Variants in MYH16 observed in about 807,000 individuals in gnomAD.
MYH16 encodes myosin heavy chain 16.
At chr7:99,269,566 C>A (rs1265008250) in intron 18 of MYH16, among the ~76,000 whole-genome samples, 4 of 152,110 alleles carry the variant, frequency 2.6e-5, no homozygotes, top group Non-Finnish European at 5.9e-5. Flanking sequence ...ATAAGCCACA[C>A]CACCTGGCTT....
intron 28 of MYH16, 146 bp from the exon 10 acceptor site, chr7:99,287,746 C>A (rs961123925): frequency 5.5e-6 from 2 of 360,998 alleles, no homozygotes; most frequent in South Asian, 2.0e-5. Flanking sequence ...ACCCCCACCC[C>A]CCAAAGGCTA....
intron 10 of MYH16, among the ~76,000 whole-genome samples, chr7:99,257,929 A>G (rs7808109): frequency 0.81 from 123,975 of 152,184 alleles, 51,308 homozygotes; most frequent in Non-Finnish European, 0.9. Context: ...TCGCAGGCAT[A>G]AGCCACTGTG....
rs936962290 is a variant in MYH16, at chr7:99,297,439, AAATT to A, written n.4500-204_4500-201del. ...CAGAGCAACACTATGTCCCAAAAAT[AAATT>A]AATTAATTAATTAATTTAATTTAAT... On this transcript the variant is annotated intron_variant and non_coding_transcript_variant, in intron 34 of 41. Transcript: ENST00000439784. Among the ~76,000 whole-genome samples, 55 of 152,240 alleles carry A rather than the reference AAATT, an allele frequency of 3.6e-4. No individual in the cohort carries two copies. The East Asian group carries it at 3.7e-3, about 10-fold the overall frequency.
chr7:99,276,605 C>T (rs545403783), intron 20 of MYH16, among the ~76,000 whole-genome samples: 8 of 152,198 alleles, frequency 5.3e-5, no homozygotes, highest in Non-Finnish European at 8.8e-5. Context: ...CAAATGCTCC[C>T]GGCTGAATGG....
At chr7:99,302,311 AAT>A (rs1554340309) in intron 38 of MYH16, among the ~76,000 whole-genome samples, 2,685 of 109,494 alleles carry the variant, frequency 0.025, 82 homozygotes, top group South Asian at 0.043. Flanking sequence ...AAAAAAAAAA[AAT>A]ATATACACAC....
chr7:99,284,095 AG>A, intron 25 of MYH16, 77 bp downstream of exon 7: 4 of 390,684 alleles, frequency 1.0e-5, no homozygotes, highest in South Asian at 7.6e-5. Context: ...GCCAGGAGCC[AG>A]GCACTGTATG....
rs143273789 is a variant in MYH16, at chr7:99,306,476, G to A, written n.5636-133G>A. The A allele has an allele frequency of 6.0e-3, 913 of 152,180 alleles. 5 individuals carry two copies. The highest frequency in any genetic ancestry group is 8.8e-3 in the Non-Finnish European group (597 of 67,998). The allele number at this position is 152,180 out of a possible 1,614,324, so 9.4% of individuals were successfully genotyped here. A position where few individuals can be genotyped will look rare whatever the true frequency, so the allele number is the denominator to read the frequency against. ...TAGGAGGTGGAGGTTGCAGCGAGCCGAGATCAGACCACTGCACTCCAGCCT... is the reference window on the plus strand; with the variant it reads ...TAGGAGGTGGAGGTTGCAGCGAGCCAAGATCAGACCACTGCACTCCAGCCT... On this transcript the variant is annotated intron_variant and non_coding_transcript_variant, in intron 41 of 41. Transcript: ENST00000439784.
At position 99,287,483 on chromosome 7, in the gene MYH16, G is replaced by A. The variant is rs562385064; in HGVS notation, n.3461-409G>A. ...CAGGAGGCGGAGGTTGCAGTGAGCC[G>A]AGATGTGCCATTGCACTGCAGCCTG... On this transcript the variant is annotated intron_variant and non_coding_transcript_variant, in intron 28 of 41. Coordinates refer to ENST00000439784, the Ensembl canonical transcript of MYH16. Among the ~76,000 whole-genome samples the A allele has an allele frequency of 1.3e-4, 19 of 146,774 alleles. No individual in the cohort carries two copies. In the East Asian group the frequency reaches 3.4e-3, roughly 27 times the overall value.
rs967723377 is a variant in MYH16, at chr7:99,260,150, T to A, written n.1405-14T>A. 2.4e-5 allele frequency: 39 copies of A among 1,595,554 alleles called. No individual in the cohort carries two copies. The East Asian group carries it at 8.6e-4, about 35-fold the overall frequency. Reference sequence around the variant, plus strand: ...TGTGCTGACGCCCCTCTTTCTGCCCTCCTGCCGCCACAGTTCAACAGCTTT... The same window carrying A: ...TGTGCTGACGCCCCTCTTTCTGCCCACCTGCCGCCACAGTTCAACAGCTTT... On this transcript the variant is annotated splice_polypyrimidine_tract_variant and intron_variant and non_coding_transcript_variant, in intron 11 of 41. Coordinates refer to ENST00000439784, the Ensembl canonical transcript of MYH16.
At chr7:99,255,931 C>G (rs1386910169) in intron 9 of MYH16, among the ~76,000 whole-genome samples, 5 of 152,108 alleles carry the variant, frequency 3.3e-5, no homozygotes, top group African/African-American at 7.2e-5. Context: ...GCCTTCAACC[C>G]CATGCAACTT....
downstream of MYH16, among the ~76,000 whole-genome samples, chr7:99,307,642 T>C (rs1792700799): frequency 6.6e-6 from 1 of 151,968 alleles, no homozygotes; most frequent in African/African-American, 2.4e-5. Context: ...GAGGATCCCT[T>C]GAGCCCAGGA....
At chr7:99,260,454 T>C in intron 12 of MYH16, 1 of 506,008 alleles carries the variant, frequency 2.0e-6, no homozygotes, top group Non-Finnish European at 3.7e-6. Context: ...TGACCTTCCT[T>C]GGTATGACCT....
At chr7:99,303,376 G>A (rs973488243) in intron 39 of MYH16, among the ~76,000 whole-genome samples, 186 bp downstream of exon 20, 5 of 152,260 alleles carry the variant, frequency 3.3e-5, no homozygotes, top group African/African-American at 9.6e-5. Flanking sequence ...AGCCACACAC[G>A]TGAAAGTAAG....
chr7:99,293,575 C>G (rs1057190852), intron 32 of MYH16, among the ~76,000 whole-genome samples: 2 of 152,158 alleles, frequency 1.3e-5, no homozygotes, highest in Admixed American at 1.3e-4. Context: ...GACCTTTGCT[C>G]CTGTGTCCCC....
intron 3 of MYH16, among the ~76,000 whole-genome samples, chr7:99,248,574 T>C (rs974484326): frequency 6.6e-6 from 1 of 152,180 alleles, no homozygotes; most frequent in Non-Finnish European, 1.5e-5. Context: ...TTCTTAATGT[T>C]TTGTGGAGAC....
intron 18 of MYH16, among the ~76,000 whole-genome samples, chr7:99,270,112 G>A (rs1365701597): frequency 9.1e-5 from 7 of 77,084 alleles, no homozygotes; most frequent in Admixed American, 2.7e-4. Flanking sequence ...TGATCTGCCC[G>A]TCTCAGCCTC....
chr7:99,296,995 C>T (rs904135408), intron 34 of MYH16, 78 bp downstream of exon 15: 6 of 428,748 alleles, frequency 1.4e-5, no homozygotes, highest in Admixed American at 2.5e-5. Flanking sequence ...CTGAGCACAT[C>T]ATCAGTTGAG....
intron 13 of MYH16, chr7:99,262,012 A>G (rs2150811847): frequency 6.6e-6 from 1 of 152,336 alleles, no homozygotes; most frequent in African/African-American, 2.4e-5. Flanking sequence ...CTCCCAACTG[A>G]TAACCTGGCT....
intron 4 of MYH16, among the ~76,000 whole-genome samples, chr7:99,249,493 C>G (rs1791781600): frequency 7.0e-6 from 1 of 142,020 alleles, no homozygotes; most frequent in South Asian, 2.3e-4. Flanking sequence ...GAGCTATGAT[C>G]ACACCACTGC....
Sources: allele counts gnomAD v4.1 joint callset (sites outside exome capture counted in the v4.1 genomes callset), GRCh38; gene constraint gnomAD v4.1.1; transcripts MANE v1.5; gene names NCBI Gene and HGNC (gene_info 2026-07-23, HGNC 2026-07-21).